The following NRG1 variants were observed in gnomAD, a reference collection of about 807,000 sequenced individuals.
NRG1 encodes the protein pro-neuregulin-1, membrane-bound isoform.
In NRG1, 18 loss-of-function variants were observed where a neutral mutation model predicts 63.8. The ratio of observed to expected loss-of-function variants is 0.28; its 90% CI spans 0.19 to 0.42. NRG1 has a LOEUF of 0.42. Among genes scored for constraint, NRG1 ranks in the 10% least tolerant of loss-of-function variants. NRG1 has a pLI of 1.00. For missense variants in NRG1, 762 were observed against 814.7 expected, an observed-to-expected ratio of 0.94 and a Z score of 0.79; for synonymous variants, 302 against 301.3, an observed-to-expected ratio of 1.00 and a Z score of -0.02.
At chr8:32,473,367 T>C (rs966371149) in intron 1 of NRG1, among the ~76,000 whole-genome samples, 1 of 152,246 alleles carries the variant, frequency 6.6e-6, no homozygotes, top group Non-Finnish European at 1.5e-5. Flanking sequence ...GCTCTTCATT[T>C]TATGGTTGAG....
chr8:32,479,202 G>A (rs923750152), intron 1 of NRG1, among the ~76,000 whole-genome samples: 2 of 152,196 alleles, frequency 1.3e-5, no homozygotes, highest in South Asian at 2.1e-4. Flanking sequence ...TGGGCCAGAT[G>A]TGGTGGCTCA....
At chr8:32,204,944 A>G (rs905751950) in intron 1 of NRG1, among the ~76,000 whole-genome samples, 2 of 152,348 alleles carry the variant, frequency 1.3e-5, no homozygotes, top group African/African-American at 4.8e-5. Context: ...TCTATTAGGG[A>G]AAATACACGA....
chr8:32,389,713 A>G (rs1235379491), intron 1 of NRG1, among the ~76,000 whole-genome samples: 1 of 151,700 alleles, frequency 6.6e-6, no homozygotes, highest in African/African-American at 2.4e-5. Context: ...AATGTTGTAC[A>G]GACAATTCTT....
chr8:32,476,333 A>T (rs895346534), intron 1 of NRG1, among the ~76,000 whole-genome samples: 2 of 152,080 alleles, frequency 1.3e-5, no homozygotes, highest in African/African-American at 4.8e-5. Flanking sequence ...ATCCCTCGTG[A>T]TCCTATTTCC....
At chr8:32,024,786 T>G (rs1816985651) in intron 1 of NRG1, among the ~76,000 whole-genome samples, 1 of 152,176 alleles carries the variant, frequency 6.6e-6, no homozygotes, top group Admixed American at 6.5e-5. Context: ...AAAGGAACTT[T>G]CCACCATTTC....
chr8:32,177,809 A>G (rs1242802785), intron 1 of NRG1, among the ~76,000 whole-genome samples: 1 of 152,074 alleles, frequency 6.6e-6, no homozygotes, highest in Admixed American at 6.6e-5. Context: ...TGATTTCCTT[A>G]TACATCTCTT....
chr8:32,168,846 TA>T, intron 1 of NRG1, among the ~76,000 whole-genome samples: 1 of 152,276 alleles, frequency 6.6e-6, no homozygotes, highest in East Asian at 1.9e-4. Flanking sequence ...TGACACATTG[TA>T]AATGTCCTTA....
chr8:32,523,620 C>T (rs1000977266), intron 1 of NRG1, among the ~76,000 whole-genome samples: 9 of 152,074 alleles, frequency 5.9e-5, no homozygotes, highest in Non-Finnish European at 1.3e-4. Flanking sequence ...GAGGCTGAGG[C>T]AGGTGGATTG....
At chr8:32,000,809 A>G (rs1202871852) in intron 1 of NRG1, among the ~76,000 whole-genome samples, 1 of 152,046 alleles carries the variant, frequency 6.6e-6, no homozygotes, top group African/African-American at 2.4e-5. Flanking sequence ...AGTAATGGCA[A>G]AAACCACACT....
At chr8:32,143,153 C>T (rs956427064) in intron 1 of NRG1, among the ~76,000 whole-genome samples, 2 of 152,084 alleles carry the variant, frequency 1.3e-5, no homozygotes, top group African/African-American at 4.8e-5. Context: ...ACAGTGGGAT[C>T]CATGTGACTT....
At chr8:31,982,856 AT>A (rs1809388268) in intron 1 of NRG1, among the ~76,000 whole-genome samples, 2 of 152,086 alleles carry the variant, frequency 1.3e-5, no homozygotes, top group Non-Finnish European at 2.9e-5. Context: ...GTAACTGTTA[AT>A]AACAACATGC....
intron 1 of NRG1, among the ~76,000 whole-genome samples, chr8:32,483,148 G>T (rs1044338206): frequency 2.6e-5 from 4 of 152,228 alleles, no homozygotes; most frequent in African/African-American, 4.8e-5. Context: ...GGGGAGATGG[G>T]AAAGAGAACA....
intron 1 of NRG1, among the ~76,000 whole-genome samples, chr8:32,415,309 G>A (rs1455751909): frequency 1.3e-5 from 2 of 149,226 alleles, no homozygotes; most frequent in South Asian, 2.1e-4. Flanking sequence ...TTGGGAGGCT[G>A]AGGCAGGAGA....
chr8:31,991,188 A>G (rs1810999455), intron 1 of NRG1, among the ~76,000 whole-genome samples: 1 of 152,002 alleles, frequency 6.6e-6, no homozygotes, highest in African/African-American at 2.4e-5. Flanking sequence ...TTAGAGAACA[A>G]TTTTTTAAGT....
chr8:32,507,684 T>C (rs1001916205), intron 1 of NRG1, among the ~76,000 whole-genome samples: 1 of 152,166 alleles, frequency 6.6e-6, no homozygotes, highest in African/African-American at 2.4e-5. Context: ...TGGTAGTACT[T>C]ATTAATCCTT....
intron 1 of NRG1, among the ~76,000 whole-genome samples, chr8:32,061,341 G>T (rs982182752): frequency 6.6e-6 from 1 of 151,948 alleles, no homozygotes; most frequent in Non-Finnish European, 1.5e-5. Context: ...ATCCCTGAGT[G>T]TGTAATAAAC....
chr8:32,560,180 T>G (rs1836109899), intron 1 of NRG1, among the ~76,000 whole-genome samples: 1 of 151,606 alleles, frequency 6.6e-6, no homozygotes. Context: ...TTAAATTATT[T>G]TATTTATCTG....
intron 1 of NRG1, among the ~76,000 whole-genome samples, chr8:32,515,582 A>G (rs931558443): frequency 7.9e-5 from 12 of 151,920 alleles, no homozygotes; most frequent in Non-Finnish European, 1.5e-4. Flanking sequence ...AGCTGGAACT[A>G]CATATGTGTG....
chr8:32,188,196 C>T (rs746244202), intron 1 of NRG1, among the ~76,000 whole-genome samples: 3 of 151,976 alleles, frequency 2.0e-5, no homozygotes, highest in African/African-American at 7.2e-5. Context: ...CCTCCTCAGC[C>T]GCTGGGATTA....
Sources: allele counts gnomAD v4.1 joint callset (sites outside exome capture counted in the v4.1 genomes callset), GRCh38; gene constraint gnomAD v4.1.1; transcripts MANE v1.5; gene names NCBI Gene and HGNC (gene_info 2026-07-23, HGNC 2026-07-21).